Variants in DDX60 observed in about 807,000 individuals in gnomAD.
DDX60 encodes the protein probable ATP-dependent RNA helicase DDX60.
In DDX60, 165 loss-of-function variants were observed where a neutral mutation model predicts 212.8. That is an observed-to-expected ratio of 0.78 (90% confidence interval 0.68 to 0.88). The LOEUF is 0.88. Among genes scored for constraint, DDX60 ranks in the 40% least tolerant of loss-of-function variants. The probability of loss-of-function intolerance (pLI) is 0.00; values close to 1 mark genes in which losing one functional copy is unlikely to be tolerated. For missense variants in DDX60, 1,905 were observed against 2,003.9 expected, an observed-to-expected ratio of 0.95 and a Z score of 0.94; for synonymous variants, 703 against 685.3, an observed-to-expected ratio of 1.03 and a Z score of -0.40.
At chr4:168,250,375 C>T (rs1256867484) in intron 28 of DDX60, among the ~76,000 whole-genome samples, 1 of 151,946 alleles carries the variant, frequency 6.6e-6, no homozygotes, top group African/African-American at 2.4e-5. Flanking sequence ...AACCCCATCT[C>T]TACTAAAAAT....
chr4:168,294,306 A>G (rs1736245998), intron 6 of DDX60, among the ~76,000 whole-genome samples: 3 of 152,156 alleles, frequency 2.0e-5, no homozygotes, highest in Admixed American at 1.3e-4. Context: ...GTGTAAAACT[A>G]CTAGAAGAAA....
chr4:168,253,176 A>G (rs1274403760), intron 26 of DDX60, among the ~76,000 whole-genome samples: 2 of 152,204 alleles, frequency 1.3e-5, no homozygotes, highest in Non-Finnish European at 2.9e-5. Context: ...ATGATCCATC[A>G]TGAGAAAATT....
rs767369849 is a variant in DDX60, at chr4:168,251,024, T to C, written c.3788A>G (p.Tyr1263Cys). 10 of 1,612,176 alleles carry C rather than the reference T, an allele frequency of 6.2e-6. No individual in the cohort carries two copies. Among genetic ancestry groups the C allele is most frequent in the South Asian group, 5.5e-5 (5 of 90,982 alleles). Residue 1263 changes from tyrosine (Y) to cysteine (C), a missense_variant, in exon 28 of 38, where the codon TAT becomes TGT. Physicochemically the swap from Tyr to Cys is radical, Grantham distance 194. Transcript: ENST00000393743. The stretch of plus-strand genomic sequence containing the variant: ...TTTGAAACTCATAGCACTGTGATGA[T>C]ATCCAATACCCCTTTCTGCCAAGGC... ...LKALAERGIG[Y>C]HHSAMSFKEK...
upstream of DDX60, among the ~76,000 whole-genome samples, chr4:168,320,695 T>C (rs1737585540): frequency 6.6e-6 from 1 of 152,238 alleles, no homozygotes; most frequent in Non-Finnish European, 1.5e-5. Context: ...TAATGGATTG[T>C]GTTATAACAA....
rs200480248 is a variant in DDX60, at chr4:168,305,853, CCTT to C, written c.606+523_606+525del. On this transcript the variant is annotated intron_variant, in intron 5 of 37. Coordinates refer to ENST00000393743, the MANE Select transcript of DDX60 (RefSeq NM_017631.6). Reference sequence around the variant, plus strand: ...TTCAGTTATTTTCCTTCTTTATTGACCTTCTCCATTGTTTTCTTATTAAAGGCT... The same window carrying C: ...TTCAGTTATTTTCCTTCTTTATTGACCTCCATTGTTTTCTTATTAAAGGCT... Among the ~76,000 whole-genome samples the C allele has an allele frequency of 1.9e-4, 29 of 152,018 alleles. No individual in the cohort carries two copies. The Middle Eastern group carries it at 0.01, about 54-fold the overall frequency.
intron 19 of DDX60, among the ~76,000 whole-genome samples, 181 bp downstream of exon 19, chr4:168,271,861 TC>T (rs1358133659): frequency 6.6e-6 from 1 of 151,418 alleles, no homozygotes; most frequent in African/African-American, 2.4e-5. Context: ...CCCTATTGAG[TC>T]ACAACAGGAA....
chr4:168,228,927 G>A (rs1253155218), intron 33 of DDX60, among the ~76,000 whole-genome samples: 2 of 151,998 alleles, frequency 1.3e-5, no homozygotes, highest in African/African-American at 4.8e-5. Flanking sequence ...AGAATTCAGG[G>A]ATAGGAGTTA....
At chr4:168,284,763 TA>T (rs1735744498) in intron 12 of DDX60, 56 bp downstream of exon 12, 1 of 849,076 alleles carries the variant, frequency 1.2e-6, no homozygotes, top group African/African-American at 1.7e-5. Context: ...CACTATAAAA[TA>T]AGAGGCAGAG....
chr4:168,253,463 G>C (rs1229519181), intron 26 of DDX60, among the ~76,000 whole-genome samples: 1 of 152,022 alleles, frequency 6.6e-6, no homozygotes, highest in African/African-American at 2.4e-5. Context: ...CTGGACAATT[G>C]CCCTAAACTG....
In DDX60 at chr4:168,221,684, T is replaced by C. The variant is rs374292381; in HGVS notation, c.4976+46A>G. On this transcript the variant is annotated intron_variant, in intron 36 of 37. Coordinates refer to ENST00000393743, the MANE Select transcript of DDX60 (RefSeq NM_017631.6). ...ATTCATTAAATTAATTCATTAGAGA[T>C]GGAGATGGGAGGACAGAGAAACAGA... 2.9e-5 allele frequency: 45 copies of C among 1,525,708 alleles called. No individual in the cohort carries two copies. The East Asian group carries it at 1.0e-3, about 35-fold the overall frequency. The allele number at this position is 1,525,708 out of a possible 1,614,324, so 94.5% of individuals were successfully genotyped here. A position where few individuals can be genotyped will look rare whatever the true frequency, so the allele number is the denominator to read the frequency against.
rs1560804616 is a variant in DDX60 at position 168,216,843 on chromosome 4, T to C, written c.*90A>G. On this transcript the variant is annotated 3_prime_UTR_variant, in exon 38 of 38. Transcript: ENST00000393743. Reference sequence around the variant, plus strand: ...GTAATGTATTTCCACTTTATCATAATGTATTTCTGGCAAGAAGCATAAGAA... The same window carrying C: ...GTAATGTATTTCCACTTTATCATAACGTATTTCTGGCAAGAAGCATAAGAA... The C allele has an allele frequency of 1.5e-5, 11 of 744,182 alleles. No homozygotes were observed. Among genetic ancestry groups the C allele is most frequent in the East Asian group, 2.8e-5 (1 of 35,164 alleles). 46.1% of individuals were successfully genotyped at this position (744,182 alleles called of 1,614,324 possible).
Position 168,245,658 on chromosome 4 carries a change from T to C in DDX60, c.4164+760A>G, listed in dbSNP as rs902436326. 2.6e-5 allele frequency among the ~76,000 whole-genome samples: 4 copies of C among 152,266 alleles called. No homozygotes were observed. In the South Asian group the frequency reaches 6.2e-4, roughly 24 times the overall value. On this transcript the variant is annotated intron_variant, in intron 30 of 37. Transcript: ENST00000393743. The stretch of plus-strand genomic sequence containing the variant: ...AGAATCCCCCCTTCAGAAAACAGTA[T>C]CTGATTTAACTGGGCATGTTAATCA...
In DDX60 at chr4:168,291,813, G is replaced by C. The variant is rs778394750; in HGVS notation, c.976C>G (p.Gln326Glu). 29 of 1,613,702 alleles carry C rather than the reference G, an allele frequency of 1.8e-5. No individual in the cohort carries two copies. The highest frequency in any genetic ancestry group is 8.3e-5 in the Admixed American group (5 of 59,968). The change falls in exon 8 of 38, where the codon CAA becomes GAA. Residue 326 changes from glutamine to glutamate, a missense_variant. Physicochemically the swap from Gln to Glu is conservative, Grantham distance 29. Transcript: ENST00000393743. ...GTGATGACTCTAGCACAAGCTCTTT[G>C]AGAAAGAGGCAGATGGAGTAGAAAA... ...VVFLLHLPLS[Q>E]RACARVITSH...
intron 5 of DDX60, among the ~76,000 whole-genome samples, chr4:168,302,679 A>C (rs1374080626): frequency 2.0e-5 from 3 of 152,170 alleles, no homozygotes. Flanking sequence ...AAATTCCTTC[A>C]TTTTGTTACA....
chr4:168,311,229 C>A (rs1579087758), intron 2 of DDX60, 27 bp downstream of exon 2: 1 of 1,608,942 alleles, frequency 6.2e-7, no homozygotes. Flanking sequence ...GTTTTATAAT[C>A]TATAAATATT....
At chr4:168,221,919 T>C in intron 35 of DDX60, 38 bp from the exon 36 acceptor site, 1 of 1,574,006 alleles carries the variant, frequency 6.4e-7, no homozygotes, top group Non-Finnish European at 8.7e-7. Context: ...ATTATTTATG[T>C]ATAAAGAAAG....
At chr4:168,269,994 T>G (rs1735021378) in intron 19 of DDX60, among the ~76,000 whole-genome samples, 1 of 152,222 alleles carries the variant, frequency 6.6e-6, no homozygotes, top group East Asian at 1.9e-4. Context: ...ACTGCAGTCA[T>G]GACAGCCTGG....
chr4:168,321,359 C>T (rs1266696771), upstream of DDX60, among the ~76,000 whole-genome samples: 1 of 152,124 alleles, frequency 6.6e-6, no homozygotes, highest in African/African-American at 2.4e-5. Flanking sequence ...ACTGCTTGAA[C>T]CTACTGACTT....
upstream of DDX60, among the ~76,000 whole-genome samples, chr4:168,323,825 A>G (rs576875029): frequency 1.8e-4 from 28 of 152,350 alleles, no homozygotes; most frequent in Non-Finnish European, 2.4e-4. Flanking sequence ...CAATGAGGGC[A>G]TCTAATGCGG....
Sources: gnomAD v4.1 joint callset for allele counts (sites outside exome capture counted in the v4.1 genomes callset) on GRCh38, gnomAD v4.1.1 for gene constraint, MANE v1.5 for transcripts, NCBI Gene and HGNC (gene_info 2026-07-23, HGNC 2026-07-21) for gene names.